NOX3: variants seen among roughly 807,000 people sequenced by gnomAD.
NOX3 encodes NADPH oxidase catalytic subunit-like 3.
In NOX3, 74 loss-of-function variants were observed where a neutral mutation model predicts 76.7. The observed-to-expected ratio is 0.96, with a 90% confidence interval of 0.80 to 1.17. The LOEUF is 1.17. Ranked by LOEUF, NOX3 falls within the 50% of genes most tolerant of loss-of-function variation. NOX3 has a pLI of 0.00. For synonymous variants in NOX3, 263 were observed against 261.1 expected, an observed-to-expected ratio of 1.01 and a Z score of -0.07; for missense variants, 695 against 703.3, an observed-to-expected ratio of 0.99 and a Z score of 0.13.
chr6:155,432,435 C>T (rs907214330), intron 7 of NOX3, among the ~76,000 whole-genome samples: 2 of 151,924 alleles, frequency 1.3e-5, no homozygotes, highest in African/African-American at 2.4e-5. Context: ...AAGGATGTCT[C>T]GGTCTTCAGA....
chr6:155,407,009 A>G (rs529308476), intron 12 of NOX3, 121 bp downstream of exon 12: 2 of 1,075,194 alleles, frequency 1.9e-6, no homozygotes, highest in East Asian at 4.8e-5. Context: ...CACCTTTTCT[A>G]AGGTAGATGT....
At chr6:155,431,184 G>T (rs1271861157) in intron 7 of NOX3, among the ~76,000 whole-genome samples, 2 of 152,036 alleles carry the variant, frequency 1.3e-5, no homozygotes, top group African/African-American at 4.8e-5. Context: ...CTTGATCAAT[G>T]ATGCCTTTAT....
chr6:155,420,152 G>A (rs1197977555), intron 10 of NOX3, among the ~76,000 whole-genome samples: 2 of 152,214 alleles, frequency 1.3e-5, no homozygotes, highest in African/African-American at 4.8e-5. Context: ...CAGTAGGGCA[G>A]CAAAGGAGTG....
intron 12 of NOX3, among the ~76,000 whole-genome samples, chr6:155,406,015 T>C (rs1479022010): frequency 6.6e-6 from 1 of 152,242 alleles, no homozygotes; most frequent in African/African-American, 2.4e-5. Context: ...TCTGGGATCA[T>C]GCCAGGAATG....
intron 3 of NOX3, among the ~76,000 whole-genome samples, chr6:155,454,000 A>T (rs1226167430): frequency 6.6e-6 from 1 of 152,226 alleles, no homozygotes; most frequent in East Asian, 1.9e-4. Context: ...TTCCCAGTGC[A>T]TATAAAAGTT....
At chr6:155,423,188 G>C (rs886797595) in intron 9 of NOX3, among the ~76,000 whole-genome samples, 1 of 152,142 alleles carries the variant, frequency 6.6e-6, no homozygotes, top group African/African-American at 2.4e-5. Context: ...TATCATTGAG[G>C]CTGCTGGAAG....
intron 7 of NOX3, among the ~76,000 whole-genome samples, chr6:155,432,179 A>T (rs78329441): frequency 6.6e-6 from 1 of 152,124 alleles, no homozygotes; most frequent in South Asian, 2.1e-4. Flanking sequence ...TCTATCCATC[A>T]TCTCAAACAC....
intron 5 of NOX3, 84 bp from the exon 6 acceptor site, chr6:155,440,221 C>A: frequency 9.8e-7 from 1 of 1,015,966 alleles, no homozygotes; most frequent in Non-Finnish European, 1.4e-6. Context: ...TTTTTTTTTT[C>A]ATTTTTAGGA....
intron 11 of NOX3, among the ~76,000 whole-genome samples, chr6:155,410,258 A>C (rs1776523296): frequency 1.3e-5 from 2 of 152,244 alleles, no homozygotes; most frequent in East Asian, 3.9e-4. Flanking sequence ...ATTCATTTGC[A>C]GAAGCAGAGT....
At chr6:155,433,640 T>C (rs899561860) in intron 7 of NOX3, among the ~76,000 whole-genome samples, 8 of 152,062 alleles carry the variant, frequency 5.3e-5, no homozygotes, top group Admixed American at 4.6e-4. Flanking sequence ...TATGTACTTG[T>C]AGCAGCTAGC....
chr6:155,446,696 G>A (rs1333981761), intron 4 of NOX3, among the ~76,000 whole-genome samples: 2 of 152,116 alleles, frequency 1.3e-5, no homozygotes, highest in Non-Finnish European at 2.9e-5. Context: ...AACTCTGAAT[G>A]GTTTACCTGG....
At chr6:155,448,376 G>A (rs1298001293) in intron 4 of NOX3, among the ~76,000 whole-genome samples, 2 of 152,158 alleles carry the variant, frequency 1.3e-5, no homozygotes, top group Admixed American at 6.5e-5. Flanking sequence ...AACGCCATTA[G>A]CTATGCGGGG....
chr6:155,455,003 A>G (rs1190430688), intron 2 of NOX3, 31 bp downstream of exon 2: 1 of 1,582,394 alleles, frequency 6.3e-7, no homozygotes, highest in African/African-American at 1.4e-5. Flanking sequence ...GTTTTCTGAA[A>G]AAATAATGTT....
intron 4 of NOX3, among the ~76,000 whole-genome samples, chr6:155,452,321 T>G (rs1777155828): frequency 6.6e-6 from 1 of 152,226 alleles, no homozygotes; most frequent in African/African-American, 2.4e-5. Flanking sequence ...CGGTTATTGG[T>G]GCCTACGCAT....
chr6:155,442,201 T>C (rs915242021), intron 5 of NOX3, among the ~76,000 whole-genome samples: 1 of 152,028 alleles, frequency 6.6e-6, no homozygotes, highest in Admixed American at 6.6e-5. Context: ...GAGGCGGAGC[T>C]TGCAGTGAGC....
chr6:155,410,522 A>G (rs571969998), intron 11 of NOX3, among the ~76,000 whole-genome samples: 145 of 152,234 alleles, frequency 9.5e-4, no homozygotes, highest in Non-Finnish European at 1.3e-3. Flanking sequence ...ATGGATTACA[A>G]TGTAGTAGTT....
intron 7 of NOX3, 137 bp from the exon 8 acceptor site, chr6:155,431,072 A>C: frequency 1.7e-6 from 1 of 596,614 alleles, no homozygotes; most frequent in Non-Finnish European, 3.0e-6. Context: ...TATCAGCAAC[A>C]AAGATGTCTC....
At chr6:155,425,705 T>C (rs186763720) in intron 9 of NOX3, among the ~76,000 whole-genome samples, 1 of 152,214 alleles carries the variant, frequency 6.6e-6, no homozygotes, top group African/African-American at 2.4e-5. Flanking sequence ...ATTGTACAGA[T>C]GAGGAAACTG....
intron 9 of NOX3, among the ~76,000 whole-genome samples, chr6:155,426,014 T>A (rs1776750689): frequency 6.6e-6 from 1 of 152,158 alleles, no homozygotes; most frequent in African/African-American, 2.4e-5. Flanking sequence ...TCCAAAGCAG[T>A]AAAAAGATAT....
Sources: allele counts gnomAD v4.1 joint callset (sites outside exome capture counted in the v4.1 genomes callset), GRCh38; gene constraint gnomAD v4.1.1; transcripts MANE v1.5; gene names NCBI Gene and HGNC (gene_info 2026-07-23, HGNC 2026-07-21).